The following ZNF536 variants were observed in gnomAD, a reference collection of about 807,000 sequenced individuals.
ZNF536 encodes the protein zinc finger protein 536.
A neutral mutation model predicts 84.5 loss-of-function variants in ZNF536; 13 were observed. That is an observed-to-expected ratio of 0.15 (90% CI 0.10 to 0.24). ZNF536 has a LOEUF of 0.24. Among genes scored for constraint, ZNF536 ranks in the 10% least tolerant of loss-of-function variants. The pLI, the probability that ZNF536 is intolerant of heterozygous loss-of-function variation, is 1.00. For missense variants in ZNF536, 1,536 were observed against 1,747.5 expected (o/e 0.88, Z 2.16); for synonymous variants, 811 against 742.5 (o/e 1.09, Z -1.50).
chr19:30,264,586 G>A (rs1476895141), intron 1 of ZNF536, among the ~76,000 whole-genome samples: 3 of 152,004 alleles, frequency 2.0e-5, no homozygotes, highest in Admixed American at 6.6e-5. Context: ...GGTAATTTGC[G>A]ATTAATTTTT....
At chr19:30,225,628 C>T (rs1222177463), upstream of ZNF536, among the ~76,000 whole-genome samples, 1 of 150,360 alleles carries the variant, frequency 6.7e-6, no homozygotes, top group East Asian at 2.0e-4. Context: ...GCTCCGTTTA[C>T]GTGCCCGAGT....
intron 1 of ZNF536, among the ~76,000 whole-genome samples, chr19:30,627,677 G>A (rs1177735564): frequency 1.3e-5 from 2 of 151,978 alleles, no homozygotes; most frequent in African/African-American, 2.4e-5. Context: ...GAGGGGTTCC[G>A]CAGATTCTCT....
intron 2 of ZNF536, among the ~76,000 whole-genome samples, chr19:30,482,762 T>C (rs1251399023): frequency 1.3e-5 from 2 of 152,218 alleles, no homozygotes; most frequent in African/African-American, 2.4e-5. Context: ...AAAGTTCTAA[T>C]GGACGGTCAG....
intron 4 of ZNF536, among the ~76,000 whole-genome samples, chr19:30,552,900 G>A (rs1030980743): frequency 2.6e-5 from 4 of 152,182 alleles, no homozygotes; most frequent in Non-Finnish European, 5.9e-5. Context: ...CCAAGGAAGA[G>A]GTTAAGCCAT....
chr19:30,588,863 ATTAG>A (rs1257571198), intron 1 of ZNF536, among the ~76,000 whole-genome samples: 2 of 152,238 alleles, frequency 1.3e-5, no homozygotes, highest in East Asian at 1.9e-4. Context: ...ATAAAAAAGA[ATTAG>A]TTATTTTTTT....
At chr19:30,392,554 A>C (rs537572658) in intron 1 of ZNF536, among the ~76,000 whole-genome samples, 6 of 152,308 alleles carry the variant, frequency 3.9e-5, no homozygotes, top group Admixed American at 6.5e-5. Flanking sequence ...ACTGAGCCTG[A>C]GACATGGCAT....
At chr19:30,343,281 C>T (rs1180842148) in intron 2 of ZNF536, among the ~76,000 whole-genome samples, 1 of 152,224 alleles carries the variant, frequency 6.6e-6, no homozygotes, top group Non-Finnish European at 1.5e-5. Flanking sequence ...GCCAGAGACT[C>T]AACATTGCCT....
intron 1 of ZNF536, among the ~76,000 whole-genome samples, chr19:30,683,227 AGAAG>A (rs1372780424): frequency 1.3e-5 from 2 of 152,174 alleles, no homozygotes; most frequent in African/African-American, 4.8e-5. Flanking sequence ...CCTTGGCTGG[AGAAG>A]AGGATAATGA....
intron 1 of ZNF536, among the ~76,000 whole-genome samples, chr19:30,414,093 CAA>C (rs55650802): frequency 1.2e-5 from 1 of 82,914 alleles, no homozygotes; most frequent in Non-Finnish European, 2.2e-5. Context: ...GACTCTGTCT[CAA>C]AAAAAAAAAA....
chr19:30,478,324 G>A (rs1257150624), intron 2 of ZNF536, among the ~76,000 whole-genome samples: 2 of 152,134 alleles, frequency 1.3e-5, no homozygotes, highest in Non-Finnish European at 2.9e-5. Context: ...TCTGCCCCAC[G>A]CGGGGTTGAG....
At chr19:30,322,355 CT>C (rs2046886125) in intron 2 of ZNF536, among the ~76,000 whole-genome samples, 1 of 152,100 alleles carries the variant, frequency 6.6e-6, no homozygotes, top group African/African-American at 2.4e-5. Context: ...ATTTTTCCCC[CT>C]CATTTTGGGT....
At chr19:30,522,273 A>ATATATATATTATATATATATATTT (rs1342291143) in intron 2 of ZNF536, among the ~76,000 whole-genome samples, 19 of 85,082 alleles carry the variant, frequency 2.2e-4, no homozygotes, top group Non-Finnish European at 4.1e-4. Context: ...ATATATATAT[A>ATATATATATTATATATATATATTT]CATATATATA....
In ZNF536 at chr19:30,436,434, T is replaced by C. The variant is rs903100496; in HGVS notation, c.-2-7127T>C. The C allele has an allele frequency of 5.3e-6, 5 of 942,848 alleles. No homozygotes were observed. In the African/African-American group the frequency reaches 9.0e-5, roughly 17 times the overall value. 58.4% of individuals were successfully genotyped at this position (942,848 alleles called of 1,614,324 possible). A position where few individuals can be genotyped will look rare whatever the true frequency, so the allele number is the denominator to read the frequency against. Reference sequence around the variant, plus strand: ...AGTAATGTTTGTGATGTAATTTGTTTGGATGCCCAAATGTCACCAGTGTTG... The same window carrying C: ...AGTAATGTTTGTGATGTAATTTGTTCGGATGCCCAAATGTCACCAGTGTTG... On this transcript the variant is annotated intron_variant, in intron 1 of 4. Transcript: ENST00000355537.
At chr19:30,342,530 G>A (rs1336501041) in intron 2 of ZNF536, among the ~76,000 whole-genome samples, 1 of 152,086 alleles carries the variant, frequency 6.6e-6, no homozygotes, top group Non-Finnish European at 1.5e-5. Flanking sequence ...TTTATGTTAC[G>A]CTTTTTGTAC....
intron 2 of ZNF536, among the ~76,000 whole-genome samples, chr19:30,466,702 AAGGAAGGT>A (rs1344586703): frequency 1.2e-4 from 17 of 147,740 alleles, no homozygotes; most frequent in African/African-American, 4.3e-4. Context: ...AAAAGAAGGA[AAGGAAGGT>A]AGGAAGGAAG....
At chr19:30,525,558 C>G (rs2044540053) in intron 2 of ZNF536, among the ~76,000 whole-genome samples, 1 of 152,148 alleles carries the variant, frequency 6.6e-6, no homozygotes, top group Non-Finnish European at 1.5e-5. Flanking sequence ...AGGGGACAGG[C>G]AGTGAGCAGT....
At chr19:30,269,273 A>G (rs2025690505) in intron 1 of ZNF536, among the ~76,000 whole-genome samples, 1 of 152,180 alleles carries the variant, frequency 6.6e-6, no homozygotes. Context: ...GGAGAGGAGC[A>G]GGTTGAACAT....
chr19:30,692,841 T>C (rs1418450659), intron 1 of ZNF536, among the ~76,000 whole-genome samples: 4 of 152,206 alleles, frequency 2.6e-5, no homozygotes, highest in African/African-American at 9.7e-5. Flanking sequence ...CCCTGTGGCA[T>C]TGCTAAACCT....
Position 30,436,604 on chromosome 19 carries a change from C to G in ZNF536, c.-2-6957C>G, listed in dbSNP as rs539641737. On this transcript the variant is annotated intron_variant, in intron 1 of 4. Transcript: ENST00000355537. ...TGAAAAGGTTCAGTAGTCTGATGTT[C>G]TGTATTTCAGAACAGGAGTGTATTA... 3 of 650,400 alleles carry G rather than the reference C, an allele frequency of 4.6e-6. No homozygotes were observed. In the East Asian group the frequency reaches 4.1e-4, roughly 88 times the overall value. The allele number at this position is 650,400 out of a possible 1,614,324, so 40.3% of individuals were successfully genotyped here. A position where few individuals can be genotyped will look rare whatever the true frequency, so the allele number is the denominator to read the frequency against.
Sources: gnomAD v4.1 joint callset for allele counts (sites outside exome capture counted in the v4.1 genomes callset) on GRCh38, gnomAD v4.1.1 for gene constraint, MANE v1.5 for transcripts, NCBI Gene and HGNC (gene_info 2026-07-23, HGNC 2026-07-21) for gene names.